DET1: variants seen among roughly 807,000 people sequenced by gnomAD.
The protein encoded by DET1 is DET1 homolog.
DET1 carries 22 observed loss-of-function variants against 43.7 expected under a neutral mutation model. The observed-to-expected ratio is 0.50, with a 90% confidence interval of 0.36 to 0.72. DET1 has a LOEUF of 0.72. DET1 is among the 30% of genes least tolerant of loss of function. The probability of loss-of-function intolerance (pLI) is 0.00; values close to 1 mark genes in which losing one functional copy is unlikely to be tolerated. For missense variants in DET1, 713 were observed against 713.3 expected, an observed-to-expected ratio of 1.00 and a Z score of 0.00; for synonymous variants, 315 against 266.2, an observed-to-expected ratio of 1.18 and a Z score of -1.79.
intron 1 of DET1, among the ~76,000 whole-genome samples, chr15:88,543,473 T>C (rs2057165372): frequency 6.6e-6 from 1 of 152,204 alleles, no homozygotes; most frequent in South Asian, 2.1e-4. Flanking sequence ...CCAGCTACTA[T>C]CCAAGACTGT....
chr15:88,512,691 A>AAATGG lies in DET1; in HGVS notation c.*255_*259dup. 2 of 1,211,802 alleles carry AAATGG rather than the reference A, an allele frequency of 1.7e-6. No homozygotes were observed. The highest frequency in any genetic ancestry group is 2.1e-6 in the Non-Finnish European group (2 of 974,058). 75.1% of individuals were successfully genotyped at this position (1,211,802 alleles called of 1,614,324 possible). ...TCAAATGCAAAGTAAAGCAAAAATGAAATGGACTTAATTAATGCTGGGCAT... is the reference window on the plus strand; with the variant it reads ...TCAAATGCAAAGTAAAGCAAAAATGAAATGGAATGGACTTAATTAATGCTGGGCAT... On this transcript the variant is annotated 3_prime_UTR_variant, in exon 5 of 5. Coordinates refer to ENST00000268148, the MANE Select transcript of DET1 (RefSeq NM_001144074.3).
At chr15:88,528,490 T>C (rs985802881) in intron 2 of DET1, among the ~76,000 whole-genome samples, 5 of 152,346 alleles carry the variant, frequency 3.3e-5, no homozygotes, top group South Asian at 2.1e-4. Context: ...GTAAAACACA[T>C]TTGAGATTTG....
intron 3 of DET1, 83 bp downstream of exon 3, chr15:88,527,516 A>C: frequency 7.7e-7 from 1 of 1,301,200 alleles, no homozygotes; most frequent in South Asian, 1.6e-5. Flanking sequence ...AGACAGAATA[A>C]GAGGTTTCCT....
At chr15:88,529,285 G>T (rs1409218039) in intron 2 of DET1, among the ~76,000 whole-genome samples, 1 of 152,182 alleles carries the variant, frequency 6.6e-6, no homozygotes, top group African/African-American at 2.4e-5. Flanking sequence ...GGTTTCACCA[G>T]AATCTCTCAT....
chr15:88,527,927 A>G, intron 2 of DET1, 141 bp from the exon 3 acceptor site: 16 of 524,538 alleles, frequency 3.1e-5, no homozygotes, highest in Non-Finnish European at 4.3e-5. Flanking sequence ...CAACAAGCAA[A>G]CACCTCGGCT....
intron 3 of DET1, among the ~76,000 whole-genome samples, chr15:88,519,544 A>G (rs1451905980): frequency 6.6e-6 from 1 of 152,054 alleles, no homozygotes; most frequent in Non-Finnish European, 1.5e-5. Flanking sequence ...AACTTCAGCA[A>G]TCCTTTAACC....
chr15:88,543,695 T>C (rs1212789430), intron 1 of DET1, among the ~76,000 whole-genome samples: 2 of 152,180 alleles, frequency 1.3e-5, no homozygotes, highest in Non-Finnish European at 2.9e-5. Flanking sequence ...TTGATCGCCC[T>C]CACTCAGGCT....
In DET1 at chr15:88,531,560, T is replaced by C. The variant is rs745935210; in HGVS notation, c.146A>G (p.Asn49Ser). Residue 49 changes from asparagine (N) to serine (S), a missense_variant, in exon 2 of 5, where the codon AAC becomes AGC. Physicochemically the swap from Asn to Ser is conservative, Grantham distance 46. Coordinates refer to ENST00000268148, the MANE Select transcript of DET1 (RefSeq NM_001144074.3). This position sits in a 1 kb window ranked among gnomAD's most constrained non-coding sequence, Gnocchi z 6.2. ...VRVFHQNVFP[N>S]FTVVNVEKPP... ...CTTTTCAACGTTGACAACTGTGAAG[T>C]TGGGGAAGACATTCTGATGGAACAC... 1 of 1,613,942 alleles carries C rather than the reference T, an allele frequency of 6.2e-7. No homozygotes were observed.
chr15:88,507,855 C>A (rs2056158246), downstream of DET1, among the ~76,000 whole-genome samples: 1 of 152,188 alleles, frequency 6.6e-6, no homozygotes, highest in Non-Finnish European at 1.5e-5. Flanking sequence ...GGCCATGGAC[C>A]AATACCTGTC....
downstream of DET1, chr15:88,511,293 G>A (rs931255597): frequency 6.8e-5 from 38 of 561,054 alleles, no homozygotes; most frequent in Admixed American, 1.3e-4. Context: ...TGTGAAATTC[G>A]TATTATGTCT....
At chr15:88,536,609 C>A (rs552449500) in intron 1 of DET1, among the ~76,000 whole-genome samples, 13 of 151,764 alleles carry the variant, frequency 8.6e-5, no homozygotes, top group Non-Finnish European at 4.4e-5. Flanking sequence ...GAAACTCCAT[C>A]TCTACTAAAA....
rs781138350 is a variant in DET1, at chr15:88,531,472, G to A, written c.234C>T (p.Asp78=). ...ACTCATAGATTTCAAGAGATGTCTG[G>A]TCTGAAGAAAAAGCAATAAAGTAGC... ...DGRYFIAFSS[D]QTSLEIYEYQ... is the part of the protein sequence containing the mutation. Residue 78 remains aspartate, a synonymous_variant, in exon 2 of 5, where the codon GAC becomes GAT. Coordinates refer to ENST00000268148, the MANE Select transcript of DET1 (RefSeq NM_001144074.3). The surrounding 1 kb of genome is among the most constrained non-coding windows in gnomAD (Gnocchi z 6.2). The A allele has an allele frequency of 5.0e-6, 8 of 1,614,002 alleles. No individual in the cohort carries two copies. The South Asian group carries it at 5.5e-5, about 11-fold the overall frequency.
chr15:88,506,651 T>A (rs1438294984), intron 7 of DET1, among the ~76,000 whole-genome samples: 1 of 152,192 alleles, frequency 6.6e-6, no homozygotes, highest in Non-Finnish European at 1.5e-5. Flanking sequence ...ACTTCATGAC[T>A]GAGTTTAAGT....
At chr15:88,523,925 C>A (rs1282482705) in intron 3 of DET1, among the ~76,000 whole-genome samples, 1 of 150,600 alleles carries the variant, frequency 6.6e-6, no homozygotes, top group Non-Finnish European at 1.5e-5. Context: ...AGGAGCCCCT[C>A]TGCCCGGCTG....
intron 1 of DET1, among the ~76,000 whole-genome samples, chr15:88,532,295 T>A (rs553516810): frequency 9.8e-4 from 127 of 129,032 alleles, no homozygotes; most frequent in Middle Eastern, 8.0e-3. Flanking sequence ...AGAGTGAGAC[T>A]CTATCTCAAA....
intron 1 of DET1, among the ~76,000 whole-genome samples, chr15:88,540,368 A>G (rs934653783): frequency 1.3e-5 from 2 of 151,638 alleles, no homozygotes; most frequent in Non-Finnish European, 2.9e-5. Flanking sequence ...GGTTATGTTA[A>G]TTCTGTTTTT....
intron 3 of DET1, among the ~76,000 whole-genome samples, chr15:88,522,868 TG>T (rs2056538057): frequency 6.8e-6 from 1 of 146,666 alleles, no homozygotes; most frequent in African/African-American, 2.7e-5. Context: ...AATGTAACAT[TG>T]TTTTTTTTTT....
chr15:88,525,823 G>A (rs1228922603), intron 3 of DET1, among the ~76,000 whole-genome samples: 10 of 139,070 alleles, frequency 7.2e-5, no homozygotes, highest in Non-Finnish European at 1.5e-4. Flanking sequence ...CACCACACTC[G>A]GCTATTTTTT....
chr15:88,528,533 G>C (rs539608922), intron 2 of DET1, among the ~76,000 whole-genome samples: 11 of 152,226 alleles, frequency 7.2e-5, no homozygotes, highest in Admixed American at 5.9e-4. Context: ...AACCTGAAAA[G>C]CATTCAAATG....
Sources: gnomAD v4.1 joint callset for allele counts (sites outside exome capture counted in the v4.1 genomes callset) on GRCh38, gnomAD v4.1.1 for gene constraint, Gnocchi (gnomAD v3.1) non-coding constraint, MANE v1.5 for transcripts, NCBI Gene and HGNC (gene_info 2026-07-23, HGNC 2026-07-21) for gene names.